The following ZBTB16 variants were observed in gnomAD, a reference collection of about 807,000 sequenced individuals.
ZBTB16 encodes zinc finger and BTB domain containing 16.
A neutral mutation model predicts 56.8 loss-of-function variants in ZBTB16; 8 were observed. The ratio of observed to expected loss-of-function variants is 0.14; its 90% CI spans 0.08 to 0.25. The LOEUF is 0.25. Among genes scored for constraint, ZBTB16 ranks in the 10% least tolerant of loss-of-function variants. The pLI is 1.00. For missense variants in ZBTB16, 625 were observed against 903.0 expected, an observed-to-expected ratio of 0.69 and a Z score of 3.95; for synonymous variants, 363 against 368.5, an observed-to-expected ratio of 0.98 and a Z score of 0.17.
At chr11:114,124,814 C>T (rs1941459247) in intron 2 of ZBTB16, among the ~76,000 whole-genome samples, 2 of 152,110 alleles carry the variant, frequency 1.3e-5, no homozygotes, top group Admixed American at 1.3e-4. Flanking sequence ...CAGTTGGACG[C>T]AGGTATTGAA....
intron 2 of ZBTB16, among the ~76,000 whole-genome samples, chr11:114,082,609 G>C (rs1350683236): frequency 6.6e-6 from 1 of 152,132 alleles, no homozygotes; most frequent in East Asian, 1.9e-4. Flanking sequence ...GCCTTCACGA[G>C]CCTGTCTGAA....
At chr11:114,235,883 T>TG (rs763347367) in intron 4 of ZBTB16, among the ~76,000 whole-genome samples, 5 of 150,910 alleles carry the variant, frequency 3.3e-5, no homozygotes, top group Non-Finnish European at 5.9e-5. Flanking sequence ...GTGTTGCCAC[T>TG]GGGGGGTCTG....
At chr11:114,095,248 T>TTCTTTTCTTTTCTTTC (rs1327021438) in intron 2 of ZBTB16, among the ~76,000 whole-genome samples, 1,303 of 102,854 alleles carry the variant, frequency 0.013, 21 homozygotes, top group Middle Eastern at 0.022. Context: ...TTCTTTTCTT[T>TTCTTTTCTTTTCTTTC]TTTTTTTTTT....
intron 4 of ZBTB16, among the ~76,000 whole-genome samples, chr11:114,217,603 G>A (rs1229150508): frequency 3.3e-5 from 5 of 152,154 alleles, no homozygotes; most frequent in East Asian, 1.9e-4. Flanking sequence ...AGATGTCTGC[G>A]GAACATCTAG....
At chr11:114,077,881 A>G (rs796764145) in intron 2 of ZBTB16, among the ~76,000 whole-genome samples, 13 of 152,320 alleles carry the variant, frequency 8.5e-5, no homozygotes, top group African/African-American at 3.1e-4. Context: ...TTTGCATAAG[A>G]GGTTGCTGTT....
At chr11:114,249,714 G>A (rs1365425005) in intron 6 of ZBTB16, among the ~76,000 whole-genome samples, 2 of 132,958 alleles carry the variant, frequency 1.5e-5, no homozygotes, top group East Asian at 2.4e-4. Context: ...GCAGTGAGCC[G>A]AGATTGCGCC....
In ZBTB16 at chr11:114,251,414, G is replaced by C. The variant is rs567848052; in HGVS notation, c.*859G>C. Among the ~76,000 whole-genome samples, 1 of 152,132 alleles carries C rather than the reference G, an allele frequency of 6.6e-6. No homozygotes were observed. The highest frequency in any genetic ancestry group is 1.5e-5 in the Non-Finnish European group (1 of 68,046). On this transcript the variant is annotated 3_prime_UTR_variant, in exon 7 of 7. Transcript: ENST00000335953. ...CCATCGTGAGCAAGATTCCTGCTGC[G>C]CTGCTTCCAAAATGGAAAAGCATCA...
chr11:114,115,289 A>G (rs612050), intron 2 of ZBTB16, among the ~76,000 whole-genome samples: 151,346 of 151,348 alleles, frequency 1, 75,672 homozygotes, highest in Non-Finnish European at 1. Flanking sequence ...CTCTCCAGAG[A>G]TCAAAGGTGA....
At chr11:114,117,557 GTTGGTTGAGACTCCTGAGGTT>G (rs1941209724) in intron 2 of ZBTB16, among the ~76,000 whole-genome samples, 1 of 152,010 alleles carries the variant, frequency 6.6e-6, no homozygotes, top group Admixed American at 6.6e-5. Context: ...TGAGGAAGGA[GTTGGTTGAGACTCCTGAGGTT>G]TTGGCTTGGA....
chr11:114,249,124 C>A (rs1232189356), intron 6 of ZBTB16, among the ~76,000 whole-genome samples: 1 of 151,514 alleles, frequency 6.6e-6, no homozygotes, highest in African/African-American at 2.4e-5. Flanking sequence ...CCAATTCCAG[C>A]CTCAGGAGGG....
At chr11:114,179,698 C>T (rs1182742629) in intron 3 of ZBTB16, among the ~76,000 whole-genome samples, 2 of 151,790 alleles carry the variant, frequency 1.3e-5, no homozygotes, top group Non-Finnish European at 2.9e-5. Context: ...GTGGGAGAGG[C>T]TTTGGAGAGG....
At chr11:114,097,956 A>G (rs545448922) in intron 2 of ZBTB16, among the ~76,000 whole-genome samples, 1 of 152,292 alleles carries the variant, frequency 6.6e-6, no homozygotes, top group African/African-American at 2.4e-5. Context: ...TATGGGAGAG[A>G]TGTTTCTGCT....
At chr11:114,084,969 C>G (rs1201656061) in intron 2 of ZBTB16, among the ~76,000 whole-genome samples, 1 of 152,204 alleles carries the variant, frequency 6.6e-6, no homozygotes, top group East Asian at 1.9e-4. Flanking sequence ...ATTGAGGACT[C>G]TTGTCCAGAT....
chr11:114,127,921 T>TA (rs1356292132), intron 2 of ZBTB16, among the ~76,000 whole-genome samples: 1 of 152,098 alleles, frequency 6.6e-6, no homozygotes, highest in Non-Finnish European at 1.5e-5. Context: ...TGCAGAATCT[T>TA]GGTGCCGTCT....
intron 3 of ZBTB16, among the ~76,000 whole-genome samples, chr11:114,167,396 T>G (rs1392700852): frequency 2.5e-5 from 3 of 119,754 alleles, no homozygotes; most frequent in Non-Finnish European, 5.0e-5. Flanking sequence ...GTTTTTTTTT[T>G]TTTTTAAATT....
intron 2 of ZBTB16, among the ~76,000 whole-genome samples, chr11:114,079,257 G>T (rs982314121): frequency 2.0e-5 from 3 of 152,112 alleles, no homozygotes; most frequent in African/African-American, 7.2e-5. Context: ...TGGTAATGAG[G>T]ATAAAAAACG....
intron 3 of ZBTB16, among the ~76,000 whole-genome samples, chr11:114,176,197 G>A (rs1430100093): frequency 2.6e-5 from 4 of 152,132 alleles, no homozygotes; most frequent in African/African-American, 9.7e-5. Flanking sequence ...TTTTCATTCT[G>A]AACTTCTCTC....
chr11:114,223,447 G>T (rs1039314777), intron 4 of ZBTB16, among the ~76,000 whole-genome samples: 5 of 152,130 alleles, frequency 3.3e-5, no homozygotes, highest in African/African-American at 1.2e-4. Context: ...AGTTGAAGTT[G>T]GTCAGAGTCA....
chr11:114,069,525 G>A (rs1196592802), intron 2 of ZBTB16, among the ~76,000 whole-genome samples: 3 of 152,350 alleles, frequency 2.0e-5, no homozygotes, highest in East Asian at 3.9e-4. Flanking sequence ...AGATATCAGA[G>A]TTCTGCCTGG....
Sources: allele counts gnomAD v4.1 joint callset (sites outside exome capture counted in the v4.1 genomes callset), GRCh38; gene constraint gnomAD v4.1.1; transcripts MANE v1.5; gene names NCBI Gene and HGNC (gene_info 2026-07-23, HGNC 2026-07-21).